Variants in FILIP1 observed in about 807,000 individuals in gnomAD.
FILIP1 encodes the protein filamin-A-interacting protein 1.
In FILIP1, 61 loss-of-function variants were observed where a neutral mutation model predicts 102.1. That is an observed-to-expected ratio of 0.60 (90% CI 0.49 to 0.74). The LOEUF (loss-of-function observed/expected upper bound fraction) is 0.74. FILIP1 is among the 30% of genes least tolerant of loss of function. The pLI is 0.00. For missense variants in FILIP1, 1,314 were observed against 1,441.2 expected (o/e 0.91, Z 1.43); for synonymous variants, 491 against 526.9 (o/e 0.93, Z 0.93).
At chr6:75,378,369 G>C (rs1343438426) in intron 2 of FILIP1, among the ~76,000 whole-genome samples, 1 of 152,258 alleles carries the variant, frequency 6.6e-6, no homozygotes, top group East Asian at 1.9e-4. Context: ...AAAGATACTT[G>C]TCTATAGTAC....
intron 2 of FILIP1, among the ~76,000 whole-genome samples, chr6:75,370,091 C>T (rs1775464651): frequency 6.6e-6 from 1 of 152,218 alleles, no homozygotes; most frequent in African/African-American, 2.4e-5. Context: ...AGTTCCCAAG[C>T]ACTATCGCTT....
At chr6:75,473,074 G>C (rs1419926418) in intron 1 of FILIP1, among the ~76,000 whole-genome samples, 1 of 152,108 alleles carries the variant, frequency 6.6e-6, no homozygotes, top group Non-Finnish European at 1.5e-5. Context: ...GACTTTTTCA[G>C]TTGCAGAGTG....
intron 1 of FILIP1, among the ~76,000 whole-genome samples, chr6:75,416,293 T>C (rs1006049875): frequency 6.6e-6 from 1 of 152,182 alleles, no homozygotes; most frequent in African/African-American, 2.4e-5. Flanking sequence ...ACATTAATGC[T>C]GTTTTTTTAA....
chr6:75,485,243 T>G (rs1347560165), intron 1 of FILIP1, among the ~76,000 whole-genome samples: 1 of 152,222 alleles, frequency 6.6e-6, no homozygotes, highest in Non-Finnish European at 1.5e-5. Flanking sequence ...TTTCATTGAC[T>G]TGGATTAAAC....
chr6:75,329,350 T>C (rs560372421), intron 4 of FILIP1, among the ~76,000 whole-genome samples: 1 of 152,338 alleles, frequency 6.6e-6, no homozygotes, highest in Non-Finnish European at 1.5e-5. Flanking sequence ...TTATCAGCAT[T>C]AGCTCCAGAG....
At chr6:75,358,662 G>A (rs1406316931) in intron 3 of FILIP1, 1 of 151,966 alleles carries the variant, frequency 6.6e-6, no homozygotes, top group African/African-American at 2.4e-5. Context: ...GTGAATTTCA[G>A]TGTCTCAGCT....
chr6:75,402,890 T>G (rs1414585290), intron 2 of FILIP1, among the ~76,000 whole-genome samples: 1 of 152,178 alleles, frequency 6.6e-6, no homozygotes, highest in Non-Finnish European at 1.5e-5. Flanking sequence ...AAAATATTAA[T>G]CTTATGACTG....
chr6:75,489,848 T>C (rs1779907247), intron 1 of FILIP1, among the ~76,000 whole-genome samples: 1 of 152,088 alleles, frequency 6.6e-6, no homozygotes, highest in South Asian at 2.1e-4. Context: ...AATGAATTTA[T>C]ACTGCAGGCT....
downstream of FILIP1, among the ~76,000 whole-genome samples, chr6:75,304,069 A>G (rs1169555386): frequency 1.3e-5 from 2 of 152,284 alleles, no homozygotes; most frequent in East Asian, 3.9e-4. Flanking sequence ...GCATTTGGAA[A>G]AATATATATA....
At chr6:75,343,128 G>C (rs1774469546) in intron 4 of FILIP1, among the ~76,000 whole-genome samples, 1 of 152,122 alleles carries the variant, frequency 6.6e-6, no homozygotes, top group Non-Finnish European at 1.5e-5. Flanking sequence ...GGAAGAGAGT[G>C]AGCTATCTCT....
At chr6:75,353,790 A>G (rs2149602605) in intron 3 of FILIP1, 73 bp from the exon 4 acceptor site, 2 of 1,478,816 alleles carry the variant, frequency 1.4e-6, no homozygotes, top group African/African-American at 1.4e-5. Flanking sequence ...ATTTGTTGAC[A>G]TGGGTCTAGT....
chr6:75,314,383 A>G lies in FILIP1; in HGVS notation c.1449T>C (p.Ser483=), dbSNP rs1157076147. 7 of 1,527,558 alleles carry G rather than the reference A, an allele frequency of 4.6e-6. No homozygotes were observed. The highest frequency in any genetic ancestry group is 6.1e-6 in the Non-Finnish European group (7 of 1,146,136). The allele number at this position is 1,527,558 out of a possible 1,614,324, so 94.6% of individuals were successfully genotyped here. A position where few individuals can be genotyped will look rare whatever the true frequency, so the allele number is the denominator to read the frequency against. ...VKSRVKELEC[S]ESRLEKAELS... ...ATTCAGCCTTTTCCAATCTACTTTC[A>G]GAACATTCCAATTCTTTAACTCGAC... Residue 483 remains serine (S), a synonymous_variant, in exon 5 of 6, where the codon TCT becomes TCC. Transcript: ENST00000237172.
intron 4 of FILIP1, among the ~76,000 whole-genome samples, chr6:75,336,906 T>G (rs1774261480): frequency 6.6e-6 from 1 of 152,146 alleles, no homozygotes; most frequent in Non-Finnish European, 1.5e-5. Context: ...GCCAGAGATG[T>G]TTAAATGGTG....
intron 1 of FILIP1, among the ~76,000 whole-genome samples, chr6:75,489,733 A>G (rs1186266723): frequency 6.6e-6 from 1 of 152,066 alleles, no homozygotes; most frequent in Non-Finnish European, 1.5e-5. Flanking sequence ...CTCTTCCATG[A>G]ACATCTTCTG....
At chr6:75,471,534 T>G (rs569131250) in intron 1 of FILIP1, among the ~76,000 whole-genome samples, 1 of 152,316 alleles carries the variant, frequency 6.6e-6, no homozygotes, top group South Asian at 2.1e-4. Flanking sequence ...CGGATAATTT[T>G]GCATATCCTG....
intron 4 of FILIP1, among the ~76,000 whole-genome samples, chr6:75,338,223 T>A (rs1163284641): frequency 2.0e-5 from 3 of 152,220 alleles, no homozygotes; most frequent in Non-Finnish European, 4.4e-5. Context: ...CTAAGTAAAG[T>A]TGACCTCTTG....
intron 1 of FILIP1, among the ~76,000 whole-genome samples, chr6:75,433,085 C>T (rs1458900318): frequency 6.6e-6 from 1 of 152,182 alleles, no homozygotes; most frequent in Non-Finnish European, 1.5e-5. Context: ...CACTGATGGA[C>T]ATTTGGGTTG....
intron 1 of FILIP1, among the ~76,000 whole-genome samples, chr6:75,489,359 A>T (rs562774010): frequency 1.3e-5 from 2 of 152,220 alleles, no homozygotes; most frequent in African/African-American, 4.8e-5. Context: ...AGTATGTCCC[A>T]AGCAGGATTC....
At chr6:75,350,184 G>A (rs542523645) in intron 4 of FILIP1, among the ~76,000 whole-genome samples, 9 of 152,154 alleles carry the variant, frequency 5.9e-5, no homozygotes, top group Admixed American at 1.3e-4. Context: ...ACAGTGTTGA[G>A]CTGAGATAAA....
Sources: allele counts gnomAD v4.1 joint callset (sites outside exome capture counted in the v4.1 genomes callset), GRCh38; gene constraint gnomAD v4.1.1; transcripts MANE v1.5; gene names NCBI Gene and HGNC (gene_info 2026-07-23, HGNC 2026-07-21).